Variants in SMURF2 observed in about 807,000 individuals in gnomAD.
The protein encoded by SMURF2 is E3 ubiquitin-protein ligase SMURF2.
In SMURF2, 48 loss-of-function variants were observed where a neutral mutation model predicts 109.6. The observed-to-expected ratio is 0.44, with a 90% CI of 0.35 to 0.56. SMURF2 has a LOEUF of 0.56. SMURF2 is among the 20% of genes least tolerant of loss of function. SMURF2 has a pLI of 0.01. For synonymous variants in SMURF2, 288 were observed against 317.1 expected, an observed-to-expected ratio of 0.91 and a Z score of 0.97; for missense variants, 575 against 909.0, an observed-to-expected ratio of 0.63 and a Z score of 4.72.
chr17:64,565,724 G>A (rs915151388), intron 10 of SMURF2, among the ~76,000 whole-genome samples: 2 of 151,962 alleles, frequency 1.3e-5, no homozygotes, highest in Non-Finnish European at 2.9e-5. Flanking sequence ...TTTTCTCACT[G>A]ATGAGAAAGA....
chr17:64,594,945 G>T (rs1969797751), intron 3 of SMURF2, among the ~76,000 whole-genome samples: 1 of 151,988 alleles, frequency 6.6e-6, no homozygotes, highest in African/African-American at 2.4e-5. Flanking sequence ...AGCCTAGATT[G>T]CGTCACTGCA....
rs529369153 is a variant in SMURF2 at position 64,589,668 on chromosome 17, G to C, written c.400+1416C>G. Among the ~76,000 whole-genome samples, 3 of 151,806 alleles carry C rather than the reference G, an allele frequency of 2.0e-5. No homozygotes were observed. In the South Asian group the frequency reaches 6.3e-4, roughly 32 times the overall value. ...CACACACAAGGCCAGCTCCTTATGA[G>C]ACTCTCATGCCTGATGATCTGTCAC... is the stretch of plus-strand genomic sequence containing the variant. On this transcript the variant is annotated intron_variant, in intron 5 of 18. Coordinates refer to ENST00000262435, the MANE Select transcript of SMURF2 (RefSeq NM_022739.4).
At chr17:64,645,882 A>T (rs1406596690) in intron 1 of SMURF2, among the ~76,000 whole-genome samples, 2 of 152,126 alleles carry the variant, frequency 1.3e-5, no homozygotes, top group African/African-American at 4.8e-5. Context: ...ATAAATTCTA[A>T]TCCCATTTTT....
intron 1 of SMURF2, among the ~76,000 whole-genome samples, chr17:64,661,083 C>G (rs1020198334): frequency 6.6e-6 from 1 of 151,934 alleles, no homozygotes; most frequent in African/African-American, 2.4e-5. Context: ...GCACCCCCCC[C>G]AAAAAAGTGT....
At chr17:64,618,852 T>C (rs1970159224) in intron 1 of SMURF2, among the ~76,000 whole-genome samples, 1 of 152,200 alleles carries the variant, frequency 6.6e-6, no homozygotes, top group African/African-American at 2.4e-5. Flanking sequence ...ATAGAGGCAG[T>C]GTAATATAGT....
rs555012313 is a variant in SMURF2, at chr17:64,561,163, C to T, written c.1316+337G>A. Among the ~76,000 whole-genome samples, 6 of 152,064 alleles carry T rather than the reference C, an allele frequency of 3.9e-5. No individual in the cohort carries two copies. The East Asian group carries it at 9.7e-4, about 24-fold the overall frequency. ...GCATAACAAATGGAAGCAAAGAGAA[C>T]CAGTATTCAGTTCAGGTTATATATC... On this transcript the variant is annotated intron_variant, in intron 12 of 18. Coordinates refer to ENST00000262435, the MANE Select transcript of SMURF2 (RefSeq NM_022739.4).
intron 5 of SMURF2, among the ~76,000 whole-genome samples, chr17:64,586,991 C>G (rs1352201566): frequency 1.3e-5 from 2 of 151,788 alleles, no homozygotes; most frequent in African/African-American, 4.8e-5. Context: ...TGGTGAAACC[C>G]CGTCTCTACA....
chr17:64,602,019 T>C (rs781817865), intron 2 of SMURF2, among the ~76,000 whole-genome samples: 1 of 151,394 alleles, frequency 6.6e-6, no homozygotes, highest in Non-Finnish European at 1.5e-5. Flanking sequence ...TAAAAAGAAA[T>C]AATCACAGCA....
At chr17:64,551,791 G>T (rs534738569) in intron 15 of SMURF2, 87 bp from the exon 16 acceptor site, 3 of 1,499,810 alleles carry the variant, frequency 2.0e-6, no homozygotes, top group Admixed American at 1.8e-5. Context: ...TAGCAACACC[G>T]CATCTTACAA....
chr17:64,582,397 G>A (rs1465658398), intron 7 of SMURF2, among the ~76,000 whole-genome samples: 1 of 152,160 alleles, frequency 6.6e-6, no homozygotes, highest in Non-Finnish European at 1.5e-5. Flanking sequence ...AAAAGGGTGA[G>A]GAGAAGGGGA....
chr17:64,605,399 A>G (rs1969954706), intron 2 of SMURF2, among the ~76,000 whole-genome samples: 1 of 151,940 alleles, frequency 6.6e-6, no homozygotes, highest in Non-Finnish European at 1.5e-5. Flanking sequence ...AAAATAATAA[A>G]ATTTCAAGTG....
rs781991387 is a variant in SMURF2 at position 64,562,864 on chromosome 17, A to T, written c.1119T>A (p.Val373=). 9.3e-6 allele frequency: 15 copies of T among 1,614,144 alleles called. No individual in the cohort carries two copies. The South Asian group carries it at 1.4e-4, about 15-fold the overall frequency. ...LTVPRYKRDL[V]QKLKILRQEL... Reference sequence around the variant, plus strand: ...CTTGCCGCAAAATTTTTAGTTTCTGAACCAGGTCTCGCTTGTACCTTGGGA... The same window carrying T: ...CTTGCCGCAAAATTTTTAGTTTCTGTACCAGGTCTCGCTTGTACCTTGGGA... Residue 373 remains valine, a synonymous_variant, in exon 11 of 19, where the codon GTT becomes GTA. Coordinates refer to ENST00000262435, the MANE Select transcript of SMURF2 (RefSeq NM_022739.4).
At chr17:64,550,796 C>A (rs1228249254) in intron 16 of SMURF2, among the ~76,000 whole-genome samples, 1 of 149,076 alleles carries the variant, frequency 6.7e-6, no homozygotes, top group African/African-American at 2.5e-5. Context: ...CATTTAGATT[C>A]AATTTATCCT....
At chr17:64,583,689 T>C in intron 6 of SMURF2, 145 bp from the exon 7 acceptor site, 1 of 628,060 alleles carries the variant, frequency 1.6e-6, no homozygotes, top group Non-Finnish European at 2.8e-6. Flanking sequence ...TTTCAACTTA[T>C]TTTAGAACTC....
rs1250478273 is a variant in SMURF2 at position 64,547,204 on chromosome 17, T to C, written c.2071+396A>G. Among the ~76,000 whole-genome samples, 1 of 152,230 alleles carries C rather than the reference T, an allele frequency of 6.6e-6. No homozygotes were observed. On this transcript the variant is annotated intron_variant, in intron 17 of 18. Coordinates refer to ENST00000262435, the MANE Select transcript of SMURF2 (RefSeq NM_022739.4). This position sits in a 1 kb window ranked among gnomAD's most constrained non-coding sequence, Gnocchi z 4.2. ...TGGTTTCCATGACCCATGCTGCTTCTGTCTAATAAGAGAAAGAACGAAAAG... is the reference window on the plus strand; with the variant it reads ...TGGTTTCCATGACCCATGCTGCTTCCGTCTAATAAGAGAAAGAACGAAAAG...
chr17:64,608,642 A>C (rs1289430028), intron 1 of SMURF2, among the ~76,000 whole-genome samples: 1 of 152,218 alleles, frequency 6.6e-6, no homozygotes, highest in African/African-American at 2.4e-5. Context: ...ATGATTCATG[A>C]AGTGAAATGA....
At chr17:64,597,658 A>G (rs1555688201) in intron 3 of SMURF2, among the ~76,000 whole-genome samples, 2 of 151,920 alleles carry the variant, frequency 1.3e-5, no homozygotes, top group Non-Finnish European at 2.9e-5. Flanking sequence ...CTGTAGTCCC[A>G]GCTACTCGGG....
Position 64,661,887 on chromosome 17 carries a change from G to A in SMURF2, c.-7C>T, listed in dbSNP as rs932965436. 4 of 1,124,082 alleles carry A rather than the reference G, an allele frequency of 3.6e-6. No individual in the cohort carries two copies. Among genetic ancestry groups the A allele is most frequent in the Middle Eastern group, 7.4e-4 (2 of 2,694 alleles). 69.6% of individuals were successfully genotyped at this position (1,124,082 alleles called of 1,614,324 possible). A position where few individuals can be genotyped will look rare whatever the true frequency, so the allele number is the denominator to read the frequency against. ...GGCCTCCGGGGTTAGACATGTCCCC[G>A]GCGGCGGGGGCGGCGGGGGCGGCGG... On this transcript the variant is annotated 5_prime_UTR_variant, in exon 1 of 19. Transcript: ENST00000262435.
intron 13 of SMURF2, among the ~76,000 whole-genome samples, chr17:64,556,778 T>C (rs1969125318): frequency 6.6e-6 from 1 of 152,244 alleles, no homozygotes; most frequent in Non-Finnish European, 1.5e-5. Context: ...TTTTGTTAGA[T>C]GTTTGTATTT....
Sources: gnomAD v4.1 joint callset for allele counts (sites outside exome capture counted in the v4.1 genomes callset) on GRCh38, gnomAD v4.1.1 for gene constraint, Gnocchi (gnomAD v3.1) non-coding constraint, MANE v1.5 for transcripts, NCBI Gene and HGNC (gene_info 2026-07-23, HGNC 2026-07-21) for gene names.